YY1: variants seen among roughly 807,000 people sequenced by gnomAD.
The protein encoded by YY1 is transcriptional repressor protein YY1.
Under a neutral mutation model 35.6 loss-of-function variants are expected in YY1, and 2 were observed. The ratio of observed to expected loss-of-function variants is 0.06; its 90% CI spans 0.02 to 0.18. The LOEUF (loss-of-function observed/expected upper bound fraction) is 0.18, where lower values mean the gene tolerates loss of function less well. YY1 is among the 10% of genes least tolerant of loss of function. YY1 has a pLI of 1.00. For missense variants in YY1, 322 were observed against 573.4 expected (o/e 0.56, Z 4.48); for synonymous variants, 268 against 238.9 (o/e 1.12, Z -1.12).
chr14:100,252,801 G>T (rs1373535764), intron 1 of YY1, among the ~76,000 whole-genome samples: 1 of 152,164 alleles, frequency 6.6e-6, no homozygotes, highest in Non-Finnish European at 1.5e-5. Flanking sequence ...GATTTGGGAG[G>T]CCAAGGCAGG....
chr14:100,248,121 CT>C lies in YY1; in HGVS notation c.679+8212del, dbSNP rs10694000. Among the ~76,000 whole-genome samples the C allele has an allele frequency of 3.9e-4, 46 of 117,598 alleles. 1 individual carries two copies. Among genetic ancestry groups the C allele is most frequent in the Admixed American group, 4.9e-4 (5 of 10,268 alleles). 77.1% of individuals were successfully genotyped at this position (117,598 alleles called of 152,430 possible). On this transcript the variant is annotated intron_variant, in intron 1 of 4. Transcript: ENST00000262238. The stretch of plus-strand genomic sequence containing the variant: ...CACCACGCCCGGCTAATTTTTTTTT[CT>C]TTTTTTTTTTTTTGAGACAGTCTCG...
intron 1 of YY1, among the ~76,000 whole-genome samples, chr14:100,248,323 C>T (rs954918260): frequency 1.5e-4 from 23 of 151,964 alleles, no homozygotes; most frequent in African/African-American, 4.8e-4. Context: ...GGGGTTTCAC[C>T]GTATTAACCA....
At chr14:100,268,916 C>T (rs1270307562) in intron 2 of YY1, among the ~76,000 whole-genome samples, 2 of 152,216 alleles carry the variant, frequency 1.3e-5, no homozygotes, top group Non-Finnish European at 2.9e-5. Context: ...ATTTGCAGAT[C>T]TGTTGGTTAG....
At chr14:100,243,559 A>G (rs900158031) in intron 1 of YY1, among the ~76,000 whole-genome samples, 2 of 151,964 alleles carry the variant, frequency 1.3e-5, no homozygotes, top group Non-Finnish European at 2.9e-5. Context: ...TTGGGAGGCC[A>G]AGGCAGGAGG....
Position 100,278,502 on chromosome 14 carries a change from T to C in YY1, c.*902T>C, listed in dbSNP as rs1224997508. ...GGCAGAACAAGATCTGTAAGCACAGTCTTATTTTCTTTTGTTGTCCAGAAT... is the reference window on the plus strand; with the variant it reads ...GGCAGAACAAGATCTGTAAGCACAGCCTTATTTTCTTTTGTTGTCCAGAAT... On this transcript the variant is annotated 3_prime_UTR_variant, in exon 5 of 5. Transcript: ENST00000262238. The C allele has an allele frequency of 6.6e-6, 1 of 152,486 alleles. No homozygotes were observed. The highest frequency in any genetic ancestry group is 1.5e-5 in the Non-Finnish European group (1 of 68,030). 9.4% of individuals were successfully genotyped at this position (152,486 alleles called of 1,614,324 possible).
At chr14:100,249,536 G>A (rs970211512) in intron 1 of YY1, among the ~76,000 whole-genome samples, 3 of 152,136 alleles carry the variant, frequency 2.0e-5, no homozygotes, top group African/African-American at 7.2e-5. Context: ...TTTCAGGAGA[G>A]TATTGAACTT....
intron 1 of YY1, among the ~76,000 whole-genome samples, chr14:100,253,648 T>A (rs1286552327): frequency 6.6e-6 from 1 of 152,070 alleles, no homozygotes; most frequent in Non-Finnish European, 1.5e-5. Context: ...TGCCTCAGCC[T>A]CCCAAAGTGC....
chr14:100,241,978 A>AGT (rs1890751005), intron 1 of YY1, among the ~76,000 whole-genome samples: 1 of 87,850 alleles, frequency 1.1e-5, no homozygotes, highest in Non-Finnish European at 2.2e-5. Flanking sequence ...CTGTCTCAAA[A>AGT]GGGGGGGGGG....
rs757628515 is a variant in YY1, at chr14:100,276,678, T to C, written c.1062+30T>C. ...AGCCAGTTCCCTCTCTTCCCCACAC[T>C]GCCTTGCCTGTCTGAACACTGCAAG... On this transcript the variant is annotated intron_variant, in intron 4 of 4. Transcript: ENST00000262238. This position sits in a 1 kb window ranked among gnomAD's most constrained non-coding sequence, Gnocchi z 4.1. 23 of 1,613,794 alleles carry C rather than the reference T, an allele frequency of 1.4e-5. 1 individual carries two copies. The South Asian group carries it at 2.5e-4, about 18-fold the overall frequency.
At chr14:100,261,480 G>A (rs1183070538) in intron 1 of YY1, among the ~76,000 whole-genome samples, 1 of 152,088 alleles carries the variant, frequency 6.6e-6, no homozygotes, top group East Asian at 1.9e-4. Flanking sequence ...TGAACCACTG[G>A]TGCTGGGCCG....
chr14:100,268,145 G>A (rs1000700660), intron 2 of YY1, among the ~76,000 whole-genome samples: 2 of 152,232 alleles, frequency 1.3e-5, no homozygotes, highest in Non-Finnish European at 1.5e-5. Context: ...AGCCGCAGCT[G>A]TTGGCTTAAG....
In YY1 at chr14:100,262,437, A is replaced by G; in HGVS notation, c.813A>G (p.Ser271=). Residue 271 remains serine, a synonymous_variant, in exon 2 of 5, where the codon TCA becomes TCG. Coordinates refer to ENST00000262238, the MANE Select transcript of YY1 (RefSeq NM_003403.5). ...PPGGIPGIDL[S]DPKQLAEFAR... The stretch of plus-strand genomic sequence containing the variant: ...GAGGAATACCTGGCATTGACCTCTC[A>G]GATCCCAAACAACTGGCAGAATTTG... 6.2e-7 allele frequency: 1 copy of G among 1,614,178 alleles called. No individual in the cohort carries two copies. The highest frequency in any genetic ancestry group is 8.5e-7 in the Non-Finnish European group (1 of 1,180,028).
chr14:100,239,929 C>A lies in YY1; in HGVS notation c.679+6C>A. ...GGTCACCATGTGGTCCTCAGGTGAGCGCCGGCCGCGCGCCCCGGCCCCGGG... is the reference window on the plus strand; with the variant it reads ...GGTCACCATGTGGTCCTCAGGTGAGAGCCGGCCGCGCGCCCCGGCCCCGGG... On this transcript the variant is annotated splice_donor_region_variant and intron_variant, in intron 1 of 4. Transcript: ENST00000262238. 6.6e-7 allele frequency: 1 copy of A among 1,518,194 alleles called. No homozygotes were observed. The highest frequency in any genetic ancestry group is 8.8e-7 in the Non-Finnish European group (1 of 1,135,392). 94.0% of individuals were successfully genotyped at this position (1,518,194 alleles called of 1,614,324 possible).
chr14:100,249,094 C>T (rs1430500358), intron 1 of YY1, among the ~76,000 whole-genome samples: 4 of 121,178 alleles, frequency 3.3e-5, no homozygotes, highest in South Asian at 5.1e-4. Flanking sequence ...GACTCTTTCT[C>T]GTGTAATTTT....
At chr14:100,245,891 G>A (rs1193285753) in intron 1 of YY1, among the ~76,000 whole-genome samples, 1 of 152,174 alleles carries the variant, frequency 6.6e-6, no homozygotes, top group Non-Finnish European at 1.5e-5. Context: ...ACAGACGTGA[G>A]CCACCGCGCC....
At chr14:100,249,790 T>C (rs79712474) in intron 1 of YY1, among the ~76,000 whole-genome samples, 5 of 151,794 alleles carry the variant, frequency 3.3e-5, no homozygotes, top group African/African-American at 1.2e-4. Flanking sequence ...TTGTTTTTTT[T>C]TGAGACAGAG....
At chr14:100,254,083 G>A (rs1017784391) in intron 1 of YY1, among the ~76,000 whole-genome samples, 2 of 151,730 alleles carry the variant, frequency 1.3e-5, no homozygotes, top group East Asian at 1.9e-4. Flanking sequence ...TGATCCACCC[G>A]CCTCGGCCTC....
chr14:100,272,062 G>A (rs1272905794), intron 2 of YY1, among the ~76,000 whole-genome samples: 3 of 151,886 alleles, frequency 2.0e-5, no homozygotes, highest in Non-Finnish European at 4.4e-5. Flanking sequence ...AAATGTTCTC[G>A]TGGGTGGGCG....
At chr14:100,250,465 TATCTC>T in intron 1 of YY1, among the ~76,000 whole-genome samples, 1 of 152,132 alleles carries the variant, frequency 6.6e-6, no homozygotes, top group African/African-American at 2.4e-5. Context: ...CATAGGTAAA[TATCTC>T]AGTTGGTGAA....
Sources: allele counts gnomAD v4.1 joint callset (sites outside exome capture counted in the v4.1 genomes callset), GRCh38; gene constraint gnomAD v4.1.1; non-coding constraint Gnocchi (gnomAD v3.1); transcripts MANE v1.5; gene names NCBI Gene and HGNC (gene_info 2026-07-23, HGNC 2026-07-21).